The following FAAH2 variants were observed in gnomAD, a reference collection of about 807,000 sequenced individuals.
FAAH2 encodes the protein fatty acid amide hydrolase 2.
Under a neutral mutation model 36.9 loss-of-function variants are expected in FAAH2, and 60 were observed. The ratio of observed to expected loss-of-function variants is 1.63; its 90% confidence interval spans 1.32 to 2.02. The LOEUF (loss-of-function observed/expected upper bound fraction) is 2.02. FAAH2 is among the 30% of genes most tolerant of loss of function. The pLI, the probability that FAAH2 is intolerant of heterozygous loss-of-function variation, is 0.00. For missense variants in FAAH2, 689 were observed against 397.5 expected, an observed-to-expected ratio of 1.73 and a Z score of -6.23; for synonymous variants, 214 against 143.8, an observed-to-expected ratio of 1.49 and a Z score of -3.49.
intron 2 of FAAH2, among the ~76,000 whole-genome samples, chrX:57,296,630 A>G (rs2052169731): frequency 8.9e-6 from 1 of 112,026 alleles, no homozygotes; most frequent in Non-Finnish European, 1.9e-5. Context: ...TCAGAGAAGA[A>G]GGCTTCAGAT....
intron 7 of FAAH2, chrX:57,381,429 G>A (rs1213800716): frequency 8.0e-6 from 2 of 248,592 alleles, no homozygotes; most frequent in Admixed American, 9.4e-5. Context: ...TGAAATAATA[G>A]CACAAATTTG....
chrX:57,393,401 T>G, intron 7 of FAAH2: 6 of 753,920 alleles, frequency 8.0e-6, no homozygotes, highest in Non-Finnish European at 1.3e-5. Context: ...GGATTTGATG[T>G]TAAGAAACTT....
chrX:57,397,949 C>T lies in FAAH2; in HGVS notation c.996+16920C>T, dbSNP rs755069501. Among the ~76,000 whole-genome samples the T allele has an allele frequency of 8.4e-5, 9 of 107,323 alleles. No homozygotes were observed. The South Asian group carries it at 1.3e-3, about 15-fold the overall frequency. 93.2% of individuals were successfully genotyped at this position (107,323 alleles called of 115,157 possible). A position where few individuals can be genotyped will look rare whatever the true frequency, so the allele number is the denominator to read the frequency against. On this transcript the variant is annotated intron_variant, in intron 7 of 10. Transcript: ENST00000374900. ...ATTCCCACCTATGAGTGAGAACATG[C>T]GGTGTTTGGTTTTCTCTTTGCAATA... is the stretch of plus-strand genomic sequence containing the variant.
At chrX:57,142,716 A>C in the FAAH2 span, among the ~76,000 whole-genome samples, 1 of 111,705 alleles carries the variant, frequency 9.0e-6, no homozygotes, top group East Asian at 2.8e-4. Context: ...TATAGTCCAC[A>C]CTTGTTATCG....
At chrX:57,369,606 C>T (rs1187023459) in intron 5 of FAAH2, among the ~76,000 whole-genome samples, 2 of 111,253 alleles carry the variant, frequency 1.8e-5, no homozygotes, top group Non-Finnish European at 3.8e-5. Context: ...AATGCCATAC[C>T]CAACAAAACT....
the FAAH2 span, among the ~76,000 whole-genome samples, chrX:57,249,465 G>A: frequency 8.9e-6 from 1 of 112,047 alleles, no homozygotes; most frequent in Non-Finnish European, 1.9e-5. Context: ...TAAACTTCCA[G>A]GCCCCAGACC....
At chrX:57,181,989 C>G in the FAAH2 span, among the ~76,000 whole-genome samples, 5 of 112,021 alleles carry the variant, frequency 4.5e-5, no homozygotes, top group African/African-American at 1.6e-4. Context: ...AAAACCCTCC[C>G]TGTTCAATAA....
At chrX:57,161,908 G>C in the FAAH2 span, among the ~76,000 whole-genome samples, 1 of 111,510 alleles carries the variant, frequency 9.0e-6, no homozygotes, top group African/African-American at 3.3e-5. Flanking sequence ...TCATTATGAT[G>C]TTAGCTGGTT....
chrX:57,123,700 A>T, the FAAH2 span, among the ~76,000 whole-genome samples: 14 of 112,099 alleles, frequency 1.2e-4, no homozygotes, highest in Non-Finnish European at 2.3e-4. Context: ...CCATTCTAAC[A>T]GGTGTGAGAT....
chrX:57,355,310 C>G, intron 5 of FAAH2, among the ~76,000 whole-genome samples: 1 of 109,978 alleles, frequency 9.1e-6, no homozygotes, highest in Non-Finnish European at 1.9e-5. Context: ...GTCTATTTTT[C>G]TACTTGCCAG....
chrX:57,309,972 A>T (rs1426841790), intron 2 of FAAH2, among the ~76,000 whole-genome samples: 1 of 111,855 alleles, frequency 8.9e-6, no homozygotes, highest in East Asian at 2.8e-4. Context: ...ATCAAATGGA[A>T]TTTCTGGTTC....
the FAAH2 span, chrX:57,229,190 G>C: frequency 8.9e-6 from 1 of 112,195 alleles, no homozygotes; most frequent in Non-Finnish European, 1.9e-5. Context: ...TTGACAATGA[G>C]CACTTGGACT....
At chrX:57,324,069 T>C (rs752127712) in intron 3 of FAAH2, among the ~76,000 whole-genome samples, 1 of 112,136 alleles carries the variant, frequency 8.9e-6, no homozygotes, top group African/African-American at 3.2e-5. Context: ...GGCTAGCCAG[T>C]TTTCCCAGCA....
At chrX:57,268,609 C>A in the FAAH2 span, among the ~76,000 whole-genome samples, 2 of 111,482 alleles carry the variant, frequency 1.8e-5, no homozygotes, top group South Asian at 3.8e-4. Flanking sequence ...AGAGAAGGAC[C>A]AGGTAAACTA....
chrX:57,438,600 T>C (rs890406096), intron 8 of FAAH2, among the ~76,000 whole-genome samples: 1 of 110,411 alleles, frequency 9.1e-6, no homozygotes, highest in Non-Finnish European at 1.9e-5. Context: ...ATTTTTATTT[T>C]TATTTCTATT....
chrX:57,321,142 A>G (rs1232751654), intron 3 of FAAH2, among the ~76,000 whole-genome samples: 4 of 110,016 alleles, frequency 3.6e-5, no homozygotes, highest in Non-Finnish European at 7.6e-5. Flanking sequence ...TCCATCTCAA[A>G]AAAAAAAAGA....
chrX:57,441,802 T>C lies in FAAH2; in HGVS notation c.1117-5126T>C, dbSNP rs759796006. On this transcript the variant is annotated intron_variant, in intron 8 of 10. Transcript: ENST00000374900. ...TAAATGTGTCCCAGAGATTCTGGTGTGTTGTGTCTTTGTTCTCATTGGTTT... is the reference window on the plus strand; with the variant it reads ...TAAATGTGTCCCAGAGATTCTGGTGCGTTGTGTCTTTGTTCTCATTGGTTT... Among the ~76,000 whole-genome samples the C allele has an allele frequency of 5.4e-5, 6 of 111,590 alleles. No homozygotes were observed. The South Asian group carries it at 1.5e-3, about 28-fold the overall frequency.
chrX:57,270,707 G>A, the FAAH2 span, among the ~76,000 whole-genome samples: 4 of 111,508 alleles, frequency 3.6e-5, no homozygotes, highest in South Asian at 1.5e-3. Context: ...GTGGGTTGTT[G>A]CCTCACCTGG....
chrX:57,417,220 T>C, intron 7 of FAAH2, among the ~76,000 whole-genome samples: 1 of 112,192 alleles, frequency 8.9e-6, no homozygotes. Context: ...TCTGAAGCCT[T>C]CTTCCATCAA....
Sources: allele counts gnomAD v4.1 joint callset (sites outside exome capture counted in the v4.1 genomes callset), GRCh38; gene constraint gnomAD v4.1.1; transcripts MANE v1.5; gene names NCBI Gene and HGNC (gene_info 2026-07-23, HGNC 2026-07-21).